TRIO: variants seen among roughly 807,000 people sequenced by gnomAD.
TRIO encodes the protein trio Rho guanine nucleotide exchange factor.
In TRIO, 58 loss-of-function variants were observed where a neutral mutation model predicts 351.9. The ratio of observed to expected loss-of-function variants is 0.16; its 90% CI spans 0.13 to 0.21. TRIO has a LOEUF of 0.21. Among genes scored for constraint, TRIO ranks in the 10% least tolerant of loss-of-function variants. The pLI, the probability that TRIO is intolerant of heterozygous loss-of-function variation, is 1.00. For missense variants in TRIO, 3,201 were observed against 4,027.8 expected, an observed-to-expected ratio of 0.79 and a Z score of 5.56; for synonymous variants, 1,758 against 1,595.7, an observed-to-expected ratio of 1.10 and a Z score of -2.42.
intron 7 of TRIO, among the ~76,000 whole-genome samples, chr5:14,301,329 T>C (rs1250474101): frequency 6.6e-6 from 1 of 152,084 alleles, no homozygotes; most frequent in Non-Finnish European, 1.5e-5. Flanking sequence ...AGGCTCCTGA[T>C]CTGAACTGAC....
intron 13 of TRIO, among the ~76,000 whole-genome samples, chr5:14,362,350 C>G (rs1744219461): frequency 6.6e-6 from 1 of 152,154 alleles, no homozygotes; most frequent in Non-Finnish European, 1.5e-5. Context: ...TAAACATCTC[C>G]CCAATTTGAC....
intron 7 of TRIO, among the ~76,000 whole-genome samples, chr5:14,298,222 C>T (rs530001629): frequency 6.6e-6 from 1 of 152,180 alleles, no homozygotes; most frequent in Admixed American, 6.5e-5. Context: ...AATATATGCC[C>T]CCAACACTCC....
At chr5:14,319,144 C>T (rs1022214532) in intron 9 of TRIO, among the ~76,000 whole-genome samples, 8 of 152,184 alleles carry the variant, frequency 5.3e-5, no homozygotes, top group Admixed American at 3.9e-4. Context: ...CCCTCTCAAA[C>T]AGCATATTGG....
At chr5:14,384,745 A>G (rs1273538302) in intron 21 of TRIO, among the ~76,000 whole-genome samples, 1 of 152,220 alleles carries the variant, frequency 6.6e-6, no homozygotes, top group Admixed American at 6.5e-5. Flanking sequence ...ACAAAATCCA[A>G]ACCATGAAAG....
At chr5:14,145,461 AG>A (rs1416788375) in intron 1 of TRIO, among the ~76,000 whole-genome samples, 2 of 150,710 alleles carry the variant, frequency 1.3e-5, no homozygotes, top group African/African-American at 4.9e-5. Flanking sequence ...GCAAAGGTTT[AG>A]GAAAACATGA....
At chr5:14,328,494 G>C (rs1011517104) in intron 9 of TRIO, among the ~76,000 whole-genome samples, 4 of 152,232 alleles carry the variant, frequency 2.6e-5, no homozygotes, top group African/African-American at 9.6e-5. Context: ...CAATACACGA[G>C]TTAAAATAAT....
chr5:14,413,993 A>G lies in TRIO; in HGVS notation c.4960-5785A>G, dbSNP rs138741746. 8.5e-4 allele frequency among the ~76,000 whole-genome samples: 129 copies of G among 152,326 alleles called. 1 individual carries two copies. The highest frequency in any genetic ancestry group is 3.0e-3 in the African/African-American group (126 of 41,572). ...GATCATTGTCCCTCCATGAAAGACAAAAAGAGGTATTTCAAATTAAGCTTC... is the reference window on the plus strand; with the variant it reads ...GATCATTGTCCCTCCATGAAAGACAGAAAGAGGTATTTCAAATTAAGCTTC... On this transcript the variant is annotated intron_variant, in intron 33 of 56. Transcript: ENST00000344204.
chr5:14,330,618 T>C (rs895208636), intron 9 of TRIO, among the ~76,000 whole-genome samples, 160 bp from the exon 10 acceptor site: 2 of 152,052 alleles, frequency 1.3e-5, no homozygotes, highest in Non-Finnish European at 2.9e-5. Flanking sequence ...ATCGAGTGTG[T>C]TAAATTAGTA....
chr5:14,222,594 C>G (rs980019236), intron 1 of TRIO, among the ~76,000 whole-genome samples: 3 of 152,240 alleles, frequency 2.0e-5, no homozygotes, highest in African/African-American at 7.2e-5. Flanking sequence ...AATGCAGCCC[C>G]TTCCAGACCT....
At chr5:14,465,200 C>G (rs1325930123) in intron 36 of TRIO, among the ~76,000 whole-genome samples, 1 of 152,136 alleles carries the variant, frequency 6.6e-6, no homozygotes, top group Non-Finnish European at 1.5e-5. Flanking sequence ...TATTCCTTCT[C>G]CCTAGCCCAG....
intron 34 of TRIO, among the ~76,000 whole-genome samples, chr5:14,452,187 G>A (rs980209889): frequency 5.3e-5 from 8 of 152,330 alleles, no homozygotes; most frequent in African/African-American, 1.2e-4. Flanking sequence ...AAGGAGGCCC[G>A]GCCTTCACAG....
chr5:14,306,297 T>G (rs1738364819), intron 8 of TRIO, among the ~76,000 whole-genome samples: 1 of 152,272 alleles, frequency 6.6e-6, no homozygotes, highest in Admixed American at 6.5e-5. Flanking sequence ...CCAATGTTTC[T>G]TAACTAATTT....
At chr5:14,277,628 T>G (rs1275535660) in intron 2 of TRIO, among the ~76,000 whole-genome samples, 2 of 152,210 alleles carry the variant, frequency 1.3e-5, no homozygotes, top group African/African-American at 4.8e-5. Flanking sequence ...GCTGTTATTT[T>G]TACTAGTTTC....
intron 1 of TRIO, among the ~76,000 whole-genome samples, chr5:14,145,398 T>TG (rs1378666149): frequency 2.4e-4 from 37 of 152,228 alleles, no homozygotes; most frequent in African/African-American, 8.9e-4. Context: ...AGTGTTAGCT[T>TG]GGGGTTAATC....
intron 1 of TRIO, among the ~76,000 whole-genome samples, chr5:14,171,561 G>A (rs1038461998): frequency 6.6e-6 from 1 of 152,218 alleles, no homozygotes; most frequent in Non-Finnish European, 1.5e-5. Context: ...CTGTTCTTAT[G>A]TAGTCTTATC....
chr5:14,190,916 C>T (rs1269145579), intron 1 of TRIO, among the ~76,000 whole-genome samples: 2 of 152,198 alleles, frequency 1.3e-5, no homozygotes, highest in Non-Finnish European at 2.9e-5. Context: ...TTTGTATCCA[C>T]ACAAGCACTT....
intron 49 of TRIO, among the ~76,000 whole-genome samples, chr5:14,496,478 C>T (rs1756903181): frequency 6.6e-6 from 1 of 152,168 alleles, no homozygotes; most frequent in Non-Finnish European, 1.5e-5. Flanking sequence ...CCCTTAAGGC[C>T]TTCGGCTCAT....
In TRIO at chr5:14,482,611, C is replaced by T; in HGVS notation, c.6495C>T (p.Leu2165=). 6.5e-7 allele frequency: 1 copy of T among 1,542,388 alleles called. No homozygotes were observed. The highest frequency in any genetic ancestry group is 8.8e-7 in the Non-Finnish European group (1 of 1,138,230). Reference sequence around the variant, plus strand: ...AAATCGTTGCCCAGGGTAAACTGCTCTTGCAGGACACATTCTTGGTCACAG... The same window carrying T: ...AAATCGTTGCCCAGGGTAAACTGCTTTTGCAGGACACATTCTTGGTCACAG... ...DGKIVAQGKL[L]LQDTFLVTDQ... Residue 2165 remains leucine, a synonymous_variant, in exon 46 of 57, where the codon CTC becomes CTT. Coordinates refer to ENST00000344204, the MANE Select transcript of TRIO (RefSeq NM_007118.4).
chr5:14,391,246 G>T (rs1003077790), intron 27 of TRIO, among the ~76,000 whole-genome samples: 1 of 152,050 alleles, frequency 6.6e-6, no homozygotes, highest in East Asian at 1.9e-4. Context: ...GTTTGTGTGT[G>T]TGTATATGTT....
Sources: allele counts gnomAD v4.1 joint callset (sites outside exome capture counted in the v4.1 genomes callset), GRCh38; gene constraint gnomAD v4.1.1; transcripts MANE v1.5; gene names NCBI Gene and HGNC (gene_info 2026-07-23, HGNC 2026-07-21).